Variants in COMMD2 observed in about 807,000 individuals in gnomAD.
COMMD2 encodes the protein COMM domain-containing protein 2.
Under a neutral mutation model 22.5 loss-of-function variants are expected in COMMD2, and 25 were observed. That is an observed-to-expected ratio of 1.11 (90% CI 0.81 to 1.55). The LOEUF (loss-of-function observed/expected upper bound fraction) is 1.55, where lower values mean the gene tolerates loss of function less well. Among genes scored for constraint, COMMD2 ranks in the 40% most tolerant of loss-of-function variants. COMMD2 has a pLI of 0.00. For synonymous variants in COMMD2, 98 were observed against 91.2 expected (o/e 1.07, Z -0.42); for missense variants, 223 against 232.9 (o/e 0.96, Z 0.28).
At chr3:149,751,716 T>C (rs1357841182) in intron 2 of COMMD2, 1 of 384,978 alleles carries the variant, frequency 2.6e-6, no homozygotes, top group Non-Finnish European at 4.6e-6. Context: ...GAGACTAGTA[T>C]CAGGTGCGTA....
intron 4 of COMMD2, among the ~76,000 whole-genome samples, chr3:149,746,534 G>C (rs1001861545): frequency 6.6e-6 from 1 of 152,058 alleles, no homozygotes; most frequent in African/African-American, 2.4e-5. Flanking sequence ...CACTTTGGGA[G>C]GCCAAGGCGG....
chr3:149,741,988 C>G (rs1716241774), intron 4 of COMMD2, among the ~76,000 whole-genome samples: 1 of 151,876 alleles, frequency 6.6e-6, no homozygotes, highest in Non-Finnish European at 1.5e-5. Flanking sequence ...ACTCAATTTT[C>G]TTCAAAGGAT....
chr3:149,748,913 A>T (rs1471713732), intron 4 of COMMD2, among the ~76,000 whole-genome samples: 9 of 152,242 alleles, frequency 5.9e-5, no homozygotes, highest in Non-Finnish European at 1.3e-4. Flanking sequence ...ATAATGTGTA[A>T]GGCCTGATGC....
In COMMD2 at chr3:149,741,177, C is replaced by T. The variant is rs1172186865; in HGVS notation, c.*344G>A. ...CTCCCAGGTTCAAGCGATTCTCCTG[C>T]CTCAGCCTCCTGAGTAGCTGGGACT... is the stretch of plus-strand genomic sequence containing the variant. On this transcript the variant is annotated 3_prime_UTR_variant, in exon 5 of 5. Coordinates refer to ENST00000473414, the MANE Select transcript of COMMD2 (RefSeq NM_016094.4). 5.2e-6 allele frequency: 1 copy of T among 193,740 alleles called. No homozygotes were observed. Among genetic ancestry groups the T allele is most frequent in the East Asian group, 1.2e-4 (1 of 8,228 alleles). 12.0% of individuals were successfully genotyped at this position (193,740 alleles called of 1,614,324 possible).
rs565018495 is a variant in COMMD2, at chr3:149,752,484, G to A, written c.-40C>T. The stretch of plus-strand genomic sequence containing the variant: ...GATTTCACCCGGCAGCGCCGACCCC[G>A]CCTTCGCCACTTCCGGCGCCCGTGT... On this transcript the variant is annotated 5_prime_UTR_variant, in exon 1 of 5. Coordinates refer to ENST00000473414, the MANE Select transcript of COMMD2 (RefSeq NM_016094.4). 86 of 1,574,400 alleles carry A rather than the reference G, an allele frequency of 5.5e-5. 2 individuals carry two copies. The South Asian group carries it at 8.9e-4, about 16-fold the overall frequency.
At chr3:149,751,724 G>A (rs757717429) in intron 2 of COMMD2, 4 of 346,932 alleles carry the variant, frequency 1.2e-5, no homozygotes, top group East Asian at 4.9e-5. Flanking sequence ...TATCAGGTGC[G>A]TAGCCCTTCT....
chr3:149,750,763 T>C lies in COMMD2; in HGVS notation c.317A>G (p.Asn106Ser), dbSNP rs1716506927. The C allele has an allele frequency of 1.2e-6, 2 of 1,608,942 alleles. No individual in the cohort carries two copies. Among genetic ancestry groups the C allele is most frequent in the African/African-American group, 2.7e-5 (2 of 74,872 alleles). The change falls in exon 4 of 5, where the codon AAC becomes AGC. Residue 106 changes from asparagine (N) to serine (S), a missense_variant. Transcript: ENST00000473414. ...NKLLLQLYLD[N>S]RKEIRTILSE... ...CAGAATCGTTCTGATCTCTTTTCTG[T>C]TGTCCAGATAAAGCTGAAGCAACAA...
chr3:149,744,540 A>G (rs1174078758), intron 4 of COMMD2, among the ~76,000 whole-genome samples: 1 of 152,256 alleles, frequency 6.6e-6, no homozygotes, highest in Non-Finnish European at 1.5e-5. Context: ...CCTACTAGAC[A>G]CTAAGCTATG....
chr3:149,750,164 A>G (rs1264040289), intron 4 of COMMD2: 5 of 172,932 alleles, frequency 2.9e-5, no homozygotes, highest in Non-Finnish European at 5.1e-5. Context: ...GAGAGAAGCC[A>G]GGTACAAAAG....
chr3:149,747,256 G>A (rs959362786), intron 4 of COMMD2, among the ~76,000 whole-genome samples: 2 of 152,154 alleles, frequency 1.3e-5, no homozygotes, highest in South Asian at 2.1e-4. Flanking sequence ...CAAGAATATG[G>A]GGATTATTTA....
rs1211705948 is a variant in COMMD2 at position 149,739,974 on chromosome 3, A to G, written c.*1547T>C. ...CCCTGCTAGGCTCTCTCTTCTCTAAAGAGATTGCAACATGGTATCACTCTG... is the reference window on the plus strand; with the variant it reads ...CCCTGCTAGGCTCTCTCTTCTCTAAGGAGATTGCAACATGGTATCACTCTG... On this transcript the variant is annotated 3_prime_UTR_variant, in exon 5 of 5. Transcript: ENST00000473414. 6.6e-6 allele frequency: 1 copy of G among 152,204 alleles called. No individual in the cohort carries two copies. Among genetic ancestry groups the G allele is most frequent in the Non-Finnish European group, 1.5e-5 (1 of 68,030 alleles). The allele number at this position is 152,204 out of a possible 1,614,324, so 9.4% of individuals were successfully genotyped here.
chr3:149,739,176 G>C lies in COMMD2; in HGVS notation c.*2345C>G, dbSNP rs1454343851. 2.0e-5 allele frequency: 3 copies of C among 152,278 alleles called. No individual in the cohort carries two copies. Among genetic ancestry groups the C allele is most frequent in the South Asian group, 4.1e-4 (2 of 4,828 alleles). The allele number at this position is 152,278 out of a possible 1,614,324, so 9.4% of individuals were successfully genotyped here. On this transcript the variant is annotated 3_prime_UTR_variant, in exon 5 of 5. Coordinates refer to ENST00000473414, the MANE Select transcript of COMMD2 (RefSeq NM_016094.4). ...ATAGTTATAGAAGGTGCATTACTCA[G>C]AGTCAAGAAACCTGGGTCATACTGG...
rs1266226709 is a variant in COMMD2, at chr3:149,741,036, ACT to A, written c.*483_*484del. 2.0e-5 allele frequency: 3 copies of A among 152,478 alleles called. No individual in the cohort carries two copies. Among genetic ancestry groups the A allele is most frequent in the Non-Finnish European group, 2.9e-5 (2 of 68,042 alleles). The allele number at this position is 152,478 out of a possible 1,614,324, so 9.4% of individuals were successfully genotyped here. A position where few individuals can be genotyped will look rare whatever the true frequency, so the allele number is the denominator to read the frequency against. On this transcript the variant is annotated 3_prime_UTR_variant, in exon 5 of 5. Coordinates refer to ENST00000473414, the MANE Select transcript of COMMD2 (RefSeq NM_016094.4). The stretch of plus-strand genomic sequence containing the variant: ...AGGAACTTTACTTTAGCTTCTGATT[ACT>A]TTTTTATTTTTATTTTTACTTTATT...
intron 2 of COMMD2, 168 bp from the exon 3 acceptor site, chr3:149,751,653 C>A: frequency 5.5e-6 from 3 of 546,946 alleles, no homozygotes; most frequent in Non-Finnish European, 9.3e-6. Flanking sequence ...CACTCCCAGC[C>A]AAATGCCTTT....
chr3:149,744,900 A>T (rs1292097360), intron 4 of COMMD2, among the ~76,000 whole-genome samples: 1 of 152,154 alleles, frequency 6.6e-6, no homozygotes. Context: ...AGTGATTCAA[A>T]CTCACTTCAG....
At chr3:149,743,982 G>GA (rs1404673274) in intron 4 of COMMD2, among the ~76,000 whole-genome samples, 1 of 151,976 alleles carries the variant, frequency 6.6e-6, no homozygotes, top group African/African-American at 2.4e-5. Context: ...AACAGTTCTA[G>GA]AAAAGAGATT....
In COMMD2 at chr3:149,752,458, C is replaced by A; in HGVS notation, c.-14G>T. The A allele has an allele frequency of 6.2e-7, 1 of 1,609,344 alleles. No homozygotes were observed. Reference sequence around the variant, plus strand: ...TTCCAGCAGCATCTTCACTGTCCTACGATTTCACCCGGCAGCGCCGACCCC... The same window carrying A: ...TTCCAGCAGCATCTTCACTGTCCTAAGATTTCACCCGGCAGCGCCGACCCC... On this transcript the variant is annotated 5_prime_UTR_variant, in exon 1 of 5. Transcript: ENST00000473414.
At chr3:149,745,568 G>A (rs1029561270) in intron 4 of COMMD2, among the ~76,000 whole-genome samples, 34 of 152,126 alleles carry the variant, frequency 2.2e-4, no homozygotes, top group African/African-American at 7.2e-4. Flanking sequence ...AAGACTGTGA[G>A]AACTTAAAGG....
chr3:149,741,508 C>G lies in COMMD2; in HGVS notation c.*13G>C, dbSNP rs1449044465. 1.2e-6 allele frequency: 2 copies of G among 1,603,388 alleles called. No individual in the cohort carries two copies. Among genetic ancestry groups the G allele is most frequent in the Non-Finnish European group, 1.7e-6 (2 of 1,170,398 alleles). ...ATAAGTGATTCAAATGAATTAAAAC[C>G]TTAAAACTGGTACTACTTGATGTTG... On this transcript the variant is annotated 3_prime_UTR_variant, in exon 5 of 5. Coordinates refer to ENST00000473414, the MANE Select transcript of COMMD2 (RefSeq NM_016094.4).
Sources: gnomAD v4.1 joint callset for allele counts (sites outside exome capture counted in the v4.1 genomes callset) on GRCh38, gnomAD v4.1.1 for gene constraint, MANE v1.5 for transcripts, NCBI Gene and HGNC (gene_info 2026-07-23, HGNC 2026-07-21) for gene names.